Variants in SFXN5 observed in about 807,000 individuals in gnomAD.
The protein encoded by SFXN5 is sideroflexin 5, also known as sideroflexin-5.
A neutral mutation model predicts 50.2 loss-of-function variants in SFXN5; 43 were observed. The ratio of observed to expected loss-of-function variants is 0.86; its 90% CI spans 0.67 to 1.11. The LOEUF (loss-of-function observed/expected upper bound fraction) is 1.11. Among genes scored for constraint, SFXN5 ranks in the 50% least tolerant of loss-of-function variants. The pLI is 0.00. For synonymous variants in SFXN5, 203 were observed against 185.8 expected (o/e 1.09, Z -0.75); for missense variants, 463 against 454.1 (o/e 1.02, Z -0.18).
chr2:73,059,730 T>C (rs1682597664), intron 1 of SFXN5: 1 of 969,922 alleles, frequency 1.0e-6, no homozygotes, highest in Non-Finnish European at 1.2e-6. Context: ...AACAGCTGCC[T>C]CTCTAACCTC....
intron 2 of SFXN5, among the ~76,000 whole-genome samples, chr2:73,047,251 T>TATATATATACACAC (rs1680528279): frequency 3.6e-5 from 1 of 27,588 alleles, no homozygotes; most frequent in South Asian, 1.5e-3. Flanking sequence ...AAAAAATATA[T>TATATATATACACAC]ATATATATAT....
chr2:73,020,336 G>A (rs948233601), intron 5 of SFXN5, 72 bp from the exon 6 acceptor site: 52 of 1,533,834 alleles, frequency 3.4e-5, no homozygotes, highest in African/African-American at 8.3e-5. Context: ...AGGAGCCTCC[G>A]GGTTAGGTCT....
At position 72,973,223 on chromosome 2, in the gene SFXN5, G is replaced by A. The variant is rs934500148; in HGVS notation, c.626-1538C>T. The A allele has an allele frequency of 1.2e-4, 19 of 160,870 alleles. No individual in the cohort carries two copies. The highest frequency in any genetic ancestry group is 4.3e-4 in the African/African-American group (18 of 41,462). The allele number at this position is 160,870 out of a possible 1,614,324, so 10.0% of individuals were successfully genotyped here. Reference sequence around the variant, plus strand: ...TTTAGAGCACACACACCATCTTCGAGCATCTCTCCTGCTTCCACCGACGCT... The same window carrying A: ...TTTAGAGCACACACACCATCTTCGAACATCTCTCCTGCTTCCACCGACGCT... On this transcript the variant is annotated intron_variant, in intron 10 of 13. Coordinates refer to ENST00000272433, the MANE Select transcript of SFXN5 (RefSeq NM_144579.3). The surrounding 1 kb of genome is among the most constrained non-coding windows in gnomAD (Gnocchi z 5.5).
chr2:72,984,953 G>T (rs1161743653), intron 10 of SFXN5, among the ~76,000 whole-genome samples: 2 of 152,118 alleles, frequency 1.3e-5, no homozygotes, highest in African/African-American at 4.8e-5. Context: ...ACTGACTCTT[G>T]GGGATTCCTT....
intron 12 of SFXN5, among the ~76,000 whole-genome samples, chr2:72,967,928 C>T (rs1320244394): frequency 6.6e-6 from 1 of 152,196 alleles, no homozygotes; most frequent in Non-Finnish European, 1.5e-5. Context: ...GTGCTTAGAA[C>T]ATCCCTCTGA....
At chr2:73,043,051 G>C (rs1489440668) in intron 2 of SFXN5, among the ~76,000 whole-genome samples, 3 of 152,348 alleles carry the variant, frequency 2.0e-5, no homozygotes, top group East Asian at 1.9e-4. Flanking sequence ...CTGGGCGACA[G>C]AGTGAGCCTG....
intron 12 of SFXN5, among the ~76,000 whole-genome samples, chr2:72,963,109 C>T (rs1010286402): frequency 2.6e-5 from 4 of 152,184 alleles, no homozygotes; most frequent in Non-Finnish European, 4.4e-5. Flanking sequence ...AAGCTTCATA[C>T]AGAGTCTGGA....
chr2:73,064,773 C>G (rs1050997234), intron 1 of SFXN5, among the ~76,000 whole-genome samples: 1 of 152,168 alleles, frequency 6.6e-6, no homozygotes, highest in African/African-American at 2.4e-5. Context: ...AGTGAGACTT[C>G]CAAAGGAGCA....
At chr2:72,985,335 G>C (rs1234596974) in intron 10 of SFXN5, among the ~76,000 whole-genome samples, 3 of 152,068 alleles carry the variant, frequency 2.0e-5, no homozygotes, top group Non-Finnish European at 4.4e-5. Context: ...CCAGCACCTG[G>C]TGCAGCTTAG....
chr2:72,953,545 A>T lies in SFXN5; in HGVS notation c.945+7586T>A, dbSNP rs1197814508. Among the ~76,000 whole-genome samples the T allele has an allele frequency of 6.6e-6, 1 of 152,166 alleles. No individual in the cohort carries two copies. The highest frequency in any genetic ancestry group is 1.9e-4 in the East Asian group (1 of 5,162). Reference sequence around the variant, plus strand: ...TGAACCCAGATGAGCCACGCTCTGTACTAGGTGTTGATAAAGGGCACCAGT... The same window carrying T: ...TGAACCCAGATGAGCCACGCTCTGTTCTAGGTGTTGATAAAGGGCACCAGT... On this transcript the variant is annotated intron_variant, in intron 13 of 13. Transcript: ENST00000272433. The surrounding 1 kb of genome is among the most constrained non-coding windows in gnomAD (Gnocchi z 4.1).
rs2105676513 is a variant in SFXN5 at position 72,999,033 on chromosome 2, A to G, written c.469-19T>C. ...GTGAAGGCTGGAAAACAGAGGCAGA[A>G]TTTCAGGCCTGCTGGGTGCCCAAAG... On this transcript the variant is annotated intron_variant, in intron 8 of 13. Transcript: ENST00000272433. 1 of 1,613,806 alleles carries G rather than the reference A, an allele frequency of 6.2e-7. No individual in the cohort carries two copies. The highest frequency in any genetic ancestry group is 2.2e-5 in the East Asian group (1 of 44,876).
chr2:73,001,399 T>C (rs1023083188), intron 7 of SFXN5, 126 bp downstream of exon 7: 25 of 899,328 alleles, frequency 2.8e-5, no homozygotes, highest in Middle Eastern at 2.5e-4. Context: ...GGGCTAGGGG[T>C]GGTGTTGGGG....
intron 13 of SFXN5, chr2:72,957,146 C>G (rs771176689): frequency 1.8e-5 from 8 of 450,038 alleles, no homozygotes; most frequent in Admixed American, 1.4e-4. Context: ...AACTCCCCCC[C>G]ATACACTGAA....
Position 73,023,169 on chromosome 2 carries a change from G to C in SFXN5, c.276+19C>G. 1 of 1,600,174 alleles carries C rather than the reference G, an allele frequency of 6.2e-7. No homozygotes were observed. ...AGGACAACACGGAGAAGGAAATAGA[G>C]AATCCAAAACTGGATTACCTGCTTG... On this transcript the variant is annotated intron_variant, in intron 4 of 13. Transcript: ENST00000272433.
Position 72,944,954 on chromosome 2 carries a change from T to G in SFXN5, c.*68A>C. 4.1e-6 allele frequency: 6 copies of G among 1,466,794 alleles called. No individual in the cohort carries two copies. Among genetic ancestry groups the G allele is most frequent in the Non-Finnish European group, 5.7e-6 (6 of 1,060,038 alleles). 90.9% of individuals were successfully genotyped at this position (1,466,794 alleles called of 1,614,324 possible). On this transcript the variant is annotated 3_prime_UTR_variant, in exon 14 of 14. Coordinates refer to ENST00000272433, the MANE Select transcript of SFXN5 (RefSeq NM_144579.3). ...GTGCTGCTCCCTGCAGGTGCAGCCG[T>G]GAGTCTACGGCCCTGCCCCTCAGCT...
At chr2:73,066,490 G>A (rs1274474777) in intron 1 of SFXN5, among the ~76,000 whole-genome samples, 4 of 151,818 alleles carry the variant, frequency 2.6e-5, no homozygotes, top group South Asian at 2.1e-4. Context: ...CCCGGGAGGC[G>A]GAGGTTGCAG....
chr2:73,060,005 G>T, intron 1 of SFXN5: 1 of 430,596 alleles, frequency 2.3e-6, no homozygotes, highest in Non-Finnish European at 3.1e-6. Context: ...TTATGACATG[G>T]AATAATGCTT....
In SFXN5 at chr2:72,961,426, TACCCCTATCCCAGCGGGTATAG is replaced by T. The variant is rs1673730281; in HGVS notation, c.828-200_828-179del. Among the ~76,000 whole-genome samples the T allele has an allele frequency of 6.6e-6, 1 of 152,174 alleles. No homozygotes were observed. The highest frequency in any genetic ancestry group is 2.1e-4 in the South Asian group (1 of 4,828). On this transcript the variant is annotated intron_variant, in intron 12 of 13. Transcript: ENST00000272433. This position sits in a 1 kb window ranked among gnomAD's most constrained non-coding sequence, Gnocchi z 4.4. ...GTCTTTGGGACCTTTTCCCGATAGG[TACCCCTATCCCAGCGGGTATAG>T]ACCCCTATCCCAATGTCTTGAAGGA...
intron 3 of SFXN5, among the ~76,000 whole-genome samples, chr2:73,036,905 C>A (rs1025734823): frequency 2.6e-5 from 4 of 152,216 alleles, no homozygotes; most frequent in African/African-American, 9.6e-5. Flanking sequence ...TCGCAGCCTG[C>A]CCTCCCGGCT....
Sources: allele counts gnomAD v4.1 joint callset (sites outside exome capture counted in the v4.1 genomes callset), GRCh38; gene constraint gnomAD v4.1.1; non-coding constraint Gnocchi (gnomAD v3.1); transcripts MANE v1.5; gene names NCBI Gene and HGNC (gene_info 2026-07-23, HGNC 2026-07-21).